DYNC2I1: variants seen among roughly 807,000 people sequenced by gnomAD.
DYNC2I1 encodes the protein dynein 2 intermediate chain 1.
A neutral mutation model predicts 133.4 loss-of-function variants in DYNC2I1; 89 were observed. The observed-to-expected ratio is 0.67, with a 90% CI of 0.56 to 0.80. The LOEUF is 0.80. Ranked by LOEUF, DYNC2I1 falls within the 30% of genes least tolerant of loss-of-function variation. The pLI is 0.00. For missense variants in DYNC2I1, 1,291 were observed against 1,314.5 expected (o/e 0.98, Z 0.28); for synonymous variants, 504 against 484.3 (o/e 1.04, Z -0.54).
At chr7:158,948,088 C>T (rs1851945479), downstream of DYNC2I1, among the ~76,000 whole-genome samples, 1 of 152,228 alleles carries the variant, frequency 6.6e-6, no homozygotes, top group Admixed American at 6.5e-5. Context: ...TGCCCTGGCG[C>T]TAGCGATGCC....
At chr7:158,931,301 G>T (rs1263479303) in intron 21 of DYNC2I1, among the ~76,000 whole-genome samples, 1 of 151,946 alleles carries the variant, frequency 6.6e-6, no homozygotes, top group African/African-American at 2.4e-5. Flanking sequence ...CTGCACTCAG[G>T]GGTCAAAATT....
At chr7:158,869,418 C>T (rs1254567437) in intron 1 of DYNC2I1, 1 of 470,232 alleles carries the variant, frequency 2.1e-6, no homozygotes, top group Admixed American at 2.4e-5. Flanking sequence ...GCCCATGATA[C>T]CTTCTGTCCT....
intron 23 of DYNC2I1, among the ~76,000 whole-genome samples, chr7:158,937,782 G>A (rs143330500): frequency 6.6e-5 from 10 of 151,806 alleles, no homozygotes; most frequent in Non-Finnish European, 1.5e-4. Flanking sequence ...ATGGTGGCAT[G>A]TGGAGGCAAA....
chr7:158,907,769 C>G (rs1428469482), intron 11 of DYNC2I1, among the ~76,000 whole-genome samples: 2 of 151,962 alleles, frequency 1.3e-5, no homozygotes, highest in Non-Finnish European at 2.9e-5. Context: ...CCACCACACC[C>G]AGCTAATTTT....
At chr7:158,905,129 T>G in intron 10 of DYNC2I1, 1 of 414,996 alleles carries the variant, frequency 2.4e-6, no homozygotes, top group Non-Finnish European at 4.7e-6. Context: ...TTTGTTCTTG[T>G]CTTTCTTTTT....
At chr7:158,944,832 G>C (rs941020908) in intron 24 of DYNC2I1, among the ~76,000 whole-genome samples, 1 of 152,178 alleles carries the variant, frequency 6.6e-6, no homozygotes, top group Non-Finnish European at 1.5e-5. Context: ...ACGGGGAGAC[G>C]GGGTCCCCAG....
chr7:158,917,434 C>T lies in DYNC2I1; in HGVS notation c.1792-1306C>T, dbSNP rs1484223310. Among the ~76,000 whole-genome samples the T allele has an allele frequency of 4.4e-3, 210 of 47,978 alleles. 1 individual carries two copies. The highest frequency in any genetic ancestry group is 0.013 in the African/African-American group (118 of 9,074). The allele number at this position is 47,978 out of a possible 152,430, so 31.5% of individuals were successfully genotyped here. A position where few individuals can be genotyped will look rare whatever the true frequency, so the allele number is the denominator to read the frequency against. On this transcript the variant is annotated intron_variant, in intron 14 of 24. Transcript: ENST00000407559. ...CTCCTGTCCTCCACACTCCACCCTCCGCCTCTCGCTAAACACCTCCTGTCC... is the reference window on the plus strand; with the variant it reads ...CTCCTGTCCTCCACACTCCACCCTCTGCCTCTCGCTAAACACCTCCTGTCC...
chr7:158,843,866 CTTTAATA>C, the DYNC2I1 span, among the ~76,000 whole-genome samples: 2 of 151,670 alleles, frequency 1.3e-5, no homozygotes, highest in African/African-American at 4.8e-5. Flanking sequence ...GTTTTGGGAA[CTTTAATA>C]TTTAAAGGGG....
At chr7:158,905,134 C>CTTTTTGTTTTTTTTTTTTTTTTTTTT in intron 10 of DYNC2I1, 1 of 313,844 alleles carries the variant, frequency 3.2e-6, no homozygotes, top group Non-Finnish European at 6.1e-6. Context: ...TCTTGTCTTT[C>CTTTTTGTTTTTTTTTTTTTTTTTTTT]TTTTTCTTTT....
rs1485883088 is a variant in DYNC2I1 at position 158,902,319 on chromosome 7, G to C, written c.1138-57G>C. On this transcript the variant is annotated intron_variant, in intron 9 of 24. Coordinates refer to ENST00000407559, the MANE Select transcript of DYNC2I1 (RefSeq NM_018051.5). The stretch of plus-strand genomic sequence containing the variant: ...AGTGTCATGTTTTGTTCAGTATGAG[G>C]GATAATTGAAAGTCAGTTTGTCTTA... The C allele has an allele frequency of 4.2e-6, 6 of 1,436,922 alleles. No homozygotes were observed. The South Asian group carries it at 7.3e-5, about 18-fold the overall frequency. The allele number at this position is 1,436,922 out of a possible 1,614,324, so 89.0% of individuals were successfully genotyped here. A position where few individuals can be genotyped will look rare whatever the true frequency, so the allele number is the denominator to read the frequency against.
chr7:158,877,278 A>C (rs112423813), intron 4 of DYNC2I1, among the ~76,000 whole-genome samples: 10,254 of 147,152 alleles, frequency 0.07, 432 homozygotes, highest in African/African-American at 0.13. Flanking sequence ...GGTGCTCTCC[A>C]GGCACCTGCG....
Position 158,902,493 on chromosome 7 carries a change from A to G in DYNC2I1, c.1255A>G (p.Ile419Val). ...PLAQKKEIQE[I>V]QRAINAENER... Reference sequence around the variant, plus strand: ...AGCTCAAAAAAAGGAAATACAAGAAATTCAAAGAGCTATTAATGCAGAAAA... The same window carrying G: ...AGCTCAAAAAAAGGAAATACAAGAAGTTCAAAGAGCTATTAATGCAGAAAA... Residue 419 changes from isoleucine to valine, a missense_variant, in exon 10 of 25, where the codon ATT becomes GTT. Physicochemically the swap from Ile to Val is conservative, Grantham distance 29. Coordinates refer to ENST00000407559, the MANE Select transcript of DYNC2I1 (RefSeq NM_018051.5). The G allele has an allele frequency of 5.6e-6, 9 of 1,614,060 alleles. No homozygotes were observed. Among genetic ancestry groups the G allele is most frequent in the Non-Finnish European group, 6.8e-6 (8 of 1,179,894 alleles).
At chr7:158,957,762 C>T (rs558581317), downstream of DYNC2I1, among the ~76,000 whole-genome samples, 24 of 152,312 alleles carry the variant, frequency 1.6e-4, no homozygotes, top group African/African-American at 5.3e-4. Flanking sequence ...TGAGGTCCAC[C>T]GCCAACTCCA....
upstream of DYNC2I1, among the ~76,000 whole-genome samples, chr7:158,852,921 C>G (rs1001012584): frequency 6.6e-6 from 1 of 152,216 alleles, no homozygotes; most frequent in Non-Finnish European, 1.5e-5. Context: ...TACAGTAGCT[C>G]AGTCAGGTTT....
Position 158,934,207 on chromosome 7 carries a change from C to A in DYNC2I1, c.2625C>A (p.His875Gln). 6.2e-7 allele frequency: 1 copy of A among 1,612,108 alleles called. No homozygotes were observed. Among genetic ancestry groups the A allele is most frequent in the Non-Finnish European group, 8.5e-7 (1 of 1,179,400 alleles). ...AATTTCTGCCTTCAGATCCTAATCA[C>A]TTTATTATTGGCACAGACATGGTGA... ...NVKFLPSDPN[H>Q]FIIGTDMGLI... is the part of the protein sequence containing the mutation. The change falls in exon 22 of 25, where the codon CAC becomes CAA. Residue 875 changes from histidine to glutamine, a missense_variant. Coordinates refer to ENST00000407559, the MANE Select transcript of DYNC2I1 (RefSeq NM_018051.5).
At chr7:158,951,892 T>TC (rs1272955476) in intron 4 of DYNC2I1, among the ~76,000 whole-genome samples, 1 of 151,674 alleles carries the variant, frequency 6.6e-6, no homozygotes, top group African/African-American at 2.4e-5. Flanking sequence ...TTCCAGGGAG[T>TC]TTTAGAAGGA....
At chr7:158,899,552 G>T (rs1229379159) in intron 8 of DYNC2I1, among the ~76,000 whole-genome samples, 4 of 151,944 alleles carry the variant, frequency 2.6e-5, no homozygotes. Context: ...GTTTGGCTGT[G>T]TCCCCACCCA....
intron 21 of DYNC2I1, among the ~76,000 whole-genome samples, chr7:158,932,118 C>T (rs1850276966): frequency 6.6e-6 from 1 of 152,182 alleles, no homozygotes; most frequent in Non-Finnish European, 1.5e-5. Flanking sequence ...AGTCACTGAG[C>T]ATGAGTGTCC....
the DYNC2I1 span, among the ~76,000 whole-genome samples, chr7:158,841,580 C>A: frequency 6.6e-6 from 1 of 152,064 alleles, no homozygotes; most frequent in African/African-American, 2.4e-5. Context: ...CAAATGAACT[C>A]TGTATGTCAC....
Sources: allele counts gnomAD v4.1 joint callset (sites outside exome capture counted in the v4.1 genomes callset), GRCh38; gene constraint gnomAD v4.1.1; transcripts MANE v1.5; gene names NCBI Gene and HGNC (gene_info 2026-07-23, HGNC 2026-07-21).